PHC2: variants seen among roughly 807,000 people sequenced by gnomAD.
The protein encoded by PHC2 is polyhomeotic-like protein 2.
A neutral mutation model predicts 87.4 loss-of-function variants in PHC2; 29 were observed. The ratio of observed to expected loss-of-function variants is 0.33; its 90% CI spans 0.25 to 0.45. The LOEUF (loss-of-function observed/expected upper bound fraction) is 0.45, where lower values mean the gene tolerates loss of function less well. Among genes scored for constraint, PHC2 ranks in the 20% least tolerant of loss-of-function variants. The pLI is 1.00. For missense variants in PHC2, 857 were observed against 1,136.7 expected, an observed-to-expected ratio of 0.75 and a Z score of 3.54; for synonymous variants, 438 against 461.7, an observed-to-expected ratio of 0.95 and a Z score of 0.66.
At chr1:33,346,839 A>C in intron 9 of PHC2, 1 of 985,412 alleles carries the variant, frequency 1.0e-6, no homozygotes, top group Non-Finnish European at 1.2e-6. Flanking sequence ...CAATAGAGAA[A>C]AGTAGACAAA....
chr1:33,378,324 G>A (rs1373896464), intron 1 of PHC2, among the ~76,000 whole-genome samples: 1 of 152,186 alleles, frequency 6.6e-6, no homozygotes, highest in Non-Finnish European at 1.5e-5. Context: ...AAGGTGAGGT[G>A]CAATTGAAAT....
rs752324335 is a variant in PHC2, at chr1:33,355,096, G to A, written c.1134C>T (p.Leu378=). ...GGGCCACGCTTGGAGAGACTGAGGC[G>A]AGCTGGGGGTGGGGCTCAGCTTGGA... The part of the protein sequence containing the change: ...PVLQAEPHPQ[L]ASVSPSVALQ... The change falls in exon 8 of 15, where the codon CTC becomes CTT. Residue 378 remains leucine (L), a synonymous_variant. Coordinates refer to ENST00000683057, the MANE Select transcript of PHC2 (RefSeq NM_001385109.1). 37 of 1,611,560 alleles carry A rather than the reference G, an allele frequency of 2.3e-5. No individual in the cohort carries two copies. The highest frequency in any genetic ancestry group is 3.1e-5 in the Non-Finnish European group (36 of 1,179,042).
chr1:33,405,839 G>A (rs1649740519), intron 1 of PHC2, among the ~76,000 whole-genome samples: 2 of 152,158 alleles, frequency 1.3e-5, no homozygotes, highest in South Asian at 4.1e-4. Context: ...ACAATACACT[G>A]TGGTCAGAGA....
chr1:33,327,333 G>A (rs1188763330), intron 14 of PHC2, among the ~76,000 whole-genome samples: 1 of 152,146 alleles, frequency 6.6e-6, no homozygotes, highest in African/African-American at 2.4e-5. Context: ...CTGGACCCCA[G>A]GAGCCTCATC....
chr1:33,335,430 G>A, intron 9 of PHC2: 1 of 683,522 alleles, frequency 1.5e-6, no homozygotes, highest in Non-Finnish European at 1.8e-6. Flanking sequence ...CCCCAGTGAG[G>A]TATGAGTGAT....
At chr1:33,356,630 A>C (rs1647092681) in intron 7 of PHC2, among the ~76,000 whole-genome samples, 1 of 152,306 alleles carries the variant, frequency 6.6e-6, no homozygotes, top group African/African-American at 2.4e-5. Flanking sequence ...GATTAACAGC[A>C]TCCCAAGGCA....
At chr1:33,343,363 G>A (rs1169604490) in intron 9 of PHC2, among the ~76,000 whole-genome samples, 2 of 151,624 alleles carry the variant, frequency 1.3e-5, no homozygotes, top group South Asian at 4.2e-4. Context: ...CCCGCTACTC[G>A]GGAGGCTGAG....
At chr1:33,351,501 A>G (rs1646971202) in intron 9 of PHC2, among the ~76,000 whole-genome samples, 1 of 152,118 alleles carries the variant, frequency 6.6e-6, no homozygotes, top group African/African-American at 2.4e-5. Context: ...AAATCCATCT[A>G]TGGCATTTAT....
chr1:33,421,418 G>A (rs1309005063), intron 1 of PHC2, among the ~76,000 whole-genome samples: 1 of 152,140 alleles, frequency 6.6e-6, no homozygotes, highest in African/African-American at 2.4e-5. Flanking sequence ...TCTAAGTAAA[G>A]GGATGTAAAA....
At chr1:33,374,820 CTAA>C (rs1331672710) in intron 2 of PHC2, among the ~76,000 whole-genome samples, 2 of 152,138 alleles carry the variant, frequency 1.3e-5, no homozygotes, top group African/African-American at 2.4e-5. Context: ...AGAATTGTGC[CTAA>C]TAATAACCAA....
At chr1:33,393,615 C>T (rs1453635578) in intron 1 of PHC2, among the ~76,000 whole-genome samples, 3 of 110,846 alleles carry the variant, frequency 2.7e-5, no homozygotes, top group South Asian at 6.0e-4. Flanking sequence ...AGTCTCCAAG[C>T]CTGTCTCCTC....
At chr1:33,430,214 C>A (rs910239576) in intron 1 of PHC2, among the ~76,000 whole-genome samples, 22 of 152,138 alleles carry the variant, frequency 1.4e-4, no homozygotes, top group Non-Finnish European at 3.1e-4. Context: ...TATGACAGAC[C>A]CGATCCAGGT....
chr1:33,373,135 G>A (rs1456996044), intron 2 of PHC2, among the ~76,000 whole-genome samples: 1 of 152,056 alleles, frequency 6.6e-6, no homozygotes, highest in African/African-American at 2.4e-5. Context: ...TTTTGGAGGG[G>A]GGATGGAGTT....
intron 1 of PHC2, among the ~76,000 whole-genome samples, chr1:33,419,914 TCTCTTATAAGGA>T (rs1401441108): frequency 8.6e-5 from 13 of 150,582 alleles, no homozygotes; most frequent in Admixed American, 2.0e-4. Context: ...CGGCCACCTC[TCTCTTATAAGGA>T]CACTTGTGAT....
chr1:33,357,640 G>A (rs953823208), intron 7 of PHC2, among the ~76,000 whole-genome samples: 1 of 152,156 alleles, frequency 6.6e-6, no homozygotes, highest in African/African-American at 2.4e-5. Flanking sequence ...CAGACATTTG[G>A]TGATTATAAA....
chr1:33,424,939 C>G (rs1650607594), intron 1 of PHC2, among the ~76,000 whole-genome samples: 1 of 152,082 alleles, frequency 6.6e-6, no homozygotes. Context: ...ACCTGGATAA[C>G]AGGAATGGGA....
Position 33,349,685 on chromosome 1 carries a change from G to C in PHC2, c.1558+4716C>G, listed in dbSNP as rs1348489765. ...CTCGCGCGGGGTCCCGGGCCCGGGC[G>C]GGCCGCCTCCTCTCCGCCGGGAGCC... is the stretch of plus-strand genomic sequence containing the variant. On this transcript the variant is annotated intron_variant, in intron 9 of 14. Coordinates refer to ENST00000683057, the MANE Select transcript of PHC2 (RefSeq NM_001385109.1). The surrounding 1 kb of genome is among the most constrained non-coding windows in gnomAD (Gnocchi z 4.2). 2 of 984,334 alleles carry C rather than the reference G, an allele frequency of 2.0e-6. No homozygotes were observed. Among genetic ancestry groups the C allele is most frequent in the Non-Finnish European group, 2.4e-6 (2 of 830,746 alleles). The allele number at this position is 984,334 out of a possible 1,614,324, so 61.0% of individuals were successfully genotyped here. A position where few individuals can be genotyped will look rare whatever the true frequency, so the allele number is the denominator to read the frequency against.
intron 1 of PHC2, among the ~76,000 whole-genome samples, chr1:33,401,496 T>C (rs1570508527): frequency 6.6e-6 from 1 of 152,126 alleles, no homozygotes; most frequent in Non-Finnish European, 1.5e-5. Context: ...ACCCTATTCT[T>C]GACCTCTAAC....
At chr1:33,347,706 C>T (rs1221627565) in intron 9 of PHC2, 1 of 985,348 alleles carries the variant, frequency 1.0e-6, no homozygotes, top group Non-Finnish European at 1.2e-6. Context: ...TCTATTCTTC[C>T]CTGTGTGCAT....
Sources: gnomAD v4.1 joint callset for allele counts (sites outside exome capture counted in the v4.1 genomes callset) on GRCh38, gnomAD v4.1.1 for gene constraint, Gnocchi (gnomAD v3.1) non-coding constraint, MANE v1.5 for transcripts, NCBI Gene and HGNC (gene_info 2026-07-23, HGNC 2026-07-21) for gene names.